The following IRAG1 variants were observed in gnomAD, a reference collection of about 807,000 sequenced individuals.
IRAG1 encodes IP3R-associated cGMP kinase substrate.
A neutral mutation model predicts 106.2 loss-of-function variants in IRAG1; 62 were observed. The ratio of observed to expected loss-of-function variants is 0.58; its 90% confidence interval spans 0.48 to 0.72. The LOEUF (loss-of-function observed/expected upper bound fraction) is 0.72, where lower values mean the gene tolerates loss of function less well. Ranked by LOEUF, IRAG1 falls within the 30% of genes least tolerant of loss-of-function variation. IRAG1 has a pLI of 0.00. For missense variants in IRAG1, 1,064 were observed against 1,140.7 expected (o/e 0.93, Z 0.97); for synonymous variants, 462 against 443.9 (o/e 1.04, Z -0.51).
intron 17 of IRAG1, among the ~76,000 whole-genome samples, chr11:10,592,925 C>T (rs1412943460): frequency 6.6e-6 from 1 of 152,174 alleles, no homozygotes; most frequent in Non-Finnish European, 1.5e-5. Context: ...TTTGTATATT[C>T]TATTTTACTT....
At chr11:10,656,907 T>A (rs1292447970) in intron 1 of IRAG1, among the ~76,000 whole-genome samples, 1 of 152,028 alleles carries the variant, frequency 6.6e-6, no homozygotes, top group African/African-American at 2.4e-5. Context: ...GAGTGAGTAC[T>A]CCCAGTGAGG....
intron 19 of IRAG1, among the ~76,000 whole-genome samples, chr11:10,580,908 T>C (rs1369965826): frequency 6.6e-6 from 1 of 152,236 alleles, no homozygotes; most frequent in Non-Finnish European, 1.5e-5. Flanking sequence ...GTATTTGTTC[T>C]CCATGTGACC....
intron 1 of IRAG1, among the ~76,000 whole-genome samples, chr11:10,689,800 C>T (rs1861923400): frequency 6.6e-6 from 1 of 152,106 alleles, no homozygotes; most frequent in African/African-American, 2.4e-5. Context: ...CCTAGTTTTA[C>T]AAAATATAGA....
intron 20 of IRAG1, among the ~76,000 whole-genome samples, chr11:10,579,314 T>C (rs72861079): frequency 0.011 from 1,723 of 152,244 alleles, 15 homozygotes; most frequent in Middle Eastern, 0.017. Flanking sequence ...ACCTATTTGT[T>C]GCATGCATGT....
intron 12 of IRAG1, 143 bp from the exon 13 acceptor site, chr11:10,604,688 C>T (rs753374661): frequency 5.5e-5 from 55 of 1,005,470 alleles, no homozygotes; most frequent in Non-Finnish European, 7.0e-5. Context: ...GCAAGGGAAA[C>T]GCTCACTTCA....
intron 1 of IRAG1, among the ~76,000 whole-genome samples, chr11:10,689,086 C>G (rs1350697614): frequency 6.6e-6 from 1 of 152,190 alleles, no homozygotes; most frequent in East Asian, 1.9e-4. Context: ...AAAAGGGAAA[C>G]TTTATATTCC....
At chr11:10,673,772 C>T (rs1446718898) in intron 1 of IRAG1, among the ~76,000 whole-genome samples, 2 of 152,054 alleles carry the variant, frequency 1.3e-5, no homozygotes, top group South Asian at 4.1e-4. Flanking sequence ...CTTCCTCAAA[C>T]ATAAACATTA....
At chr11:10,651,805 T>C (rs747832009) in intron 2 of IRAG1, among the ~76,000 whole-genome samples, 1 of 152,156 alleles carries the variant, frequency 6.6e-6, no homozygotes, top group Non-Finnish European at 1.5e-5. Flanking sequence ...GCCTAGATGG[T>C]TGGTTCTATA....
chr11:10,678,613 C>T (rs1192212821), intron 1 of IRAG1, among the ~76,000 whole-genome samples: 2 of 152,134 alleles, frequency 1.3e-5, no homozygotes, highest in Non-Finnish European at 2.9e-5. Flanking sequence ...ACCACAGCGG[C>T]CCTCTCTCAA....
chr11:10,583,449 G>T (rs1459983764), intron 18 of IRAG1, among the ~76,000 whole-genome samples: 1 of 152,192 alleles, frequency 6.6e-6, no homozygotes, highest in South Asian at 2.1e-4. Context: ...ACACACTTCT[G>T]AGTTTGAAGC....
intron 11 of IRAG1, 76 bp downstream of exon 11, chr11:10,609,652 C>T: frequency 6.6e-7 from 1 of 1,516,018 alleles, no homozygotes. Context: ...GACTGGTGTT[C>T]CTCTGTGTCC....
intron 3 of IRAG1, 58 bp downstream of exon 3, chr11:10,633,910 T>C (rs1856934379): frequency 1.0e-6 from 1 of 973,998 alleles, no homozygotes; most frequent in Non-Finnish European, 1.5e-6. Flanking sequence ...TATAGCTGTC[T>C]GATCCTCATG....
intron 1 of IRAG1, among the ~76,000 whole-genome samples, chr11:10,677,552 G>C (rs1378878370): frequency 6.6e-6 from 1 of 150,888 alleles, no homozygotes; most frequent in African/African-American, 2.5e-5. Context: ...CTCTAGGAGA[G>C]GGGTGCCTAA....
At chr11:10,667,251 C>T (rs1859860058) in intron 1 of IRAG1, among the ~76,000 whole-genome samples, 1 of 151,924 alleles carries the variant, frequency 6.6e-6, no homozygotes, top group Admixed American at 6.6e-5. Flanking sequence ...TTCCTCTGAT[C>T]TTCTGGATCC....
chr11:10,652,137 G>A lies in IRAG1; in HGVS notation c.113C>T (p.Ala38Val), dbSNP rs368754767. The A allele has an allele frequency of 1.5e-5, 25 of 1,613,202 alleles. No individual in the cohort carries two copies. In the South Asian group the frequency reaches 1.7e-4, roughly 11 times the overall value. The change falls in exon 2 of 21, where the codon GCG (alanine) becomes GTG (valine). Residue 38 changes from alanine (A) to valine (V), a missense_variant. By Grantham distance (64) the Ala-to-Val change is moderately conservative. Transcript: ENST00000423302. ...ASWSIFGADA[A>V]EVPGTRGHSQ... is the part of the protein sequence containing the mutation. ...GTGGCCACGTGTGCCCGGAACCTCC[G>A]CTGCGTCAGCCCCAAAGATGCTCCA... is the stretch of plus-strand genomic sequence containing the variant.
chr11:10,594,322 G>C, intron 15 of IRAG1, 127 bp from the exon 16 acceptor site: 2 of 802,582 alleles, frequency 2.5e-6, no homozygotes, highest in Non-Finnish European at 3.9e-6. Context: ...CAAGGGTCTG[G>C]GTGTTGGGGA....
intron 1 of IRAG1, among the ~76,000 whole-genome samples, chr11:10,656,597 C>A (rs562683386): frequency 1.3e-5 from 2 of 152,332 alleles, no homozygotes; most frequent in East Asian, 3.9e-4. Context: ...ACTTCTAAGT[C>A]GCCTACTGAG....
chr11:10,617,964 A>G (rs1386974389), intron 10 of IRAG1, among the ~76,000 whole-genome samples: 3 of 152,170 alleles, frequency 2.0e-5, no homozygotes, highest in Non-Finnish European at 4.4e-5. Context: ...TAAAATATAG[A>G]TTTGATCCTG....
rs753978086 is a variant in IRAG1, at chr11:10,604,458, G to T, written c.1690C>A (p.Leu564Met). 1 of 1,614,058 alleles carries T rather than the reference G, an allele frequency of 6.2e-7. No homozygotes were observed. The highest frequency in any genetic ancestry group is 2.2e-5 in the East Asian group (1 of 44,894). ...RINQAERERN[L>M]TEENTEKELE... The stretch of plus-strand genomic sequence containing the variant: ...TCTTTCTCAGTGTTCTCCTCTGTCA[G>T]GTTGCGTTCCCTTTCAGCCTGGTTA... Residue 564 changes from leucine (L) to methionine (M), a missense_variant, in exon 13 of 21, where the codon CTG (leucine) becomes ATG (methionine). Coordinates refer to ENST00000423302, the MANE Select transcript of IRAG1 (RefSeq NM_130385.4).
Sources: allele counts gnomAD v4.1 joint callset (sites outside exome capture counted in the v4.1 genomes callset), GRCh38; gene constraint gnomAD v4.1.1; transcripts MANE v1.5; gene names NCBI Gene and HGNC (gene_info 2026-07-23, HGNC 2026-07-21).